Variants in ITGA1 observed in about 807,000 individuals in gnomAD.
ITGA1 encodes the protein integrin alpha-1.
Under a neutral mutation model 145.9 loss-of-function variants are expected in ITGA1, and 85 were observed. That is an observed-to-expected ratio of 0.58 (90% CI 0.49 to 0.70). The LOEUF is 0.70. Ranked by LOEUF, ITGA1 falls within the 30% of genes least tolerant of loss-of-function variation. ITGA1 has a pLI of 0.00. For synonymous variants in ITGA1, 520 were observed against 495.3 expected (o/e 1.05, Z -0.66); for missense variants, 1,351 against 1,418.7 (o/e 0.95, Z 0.77).
chr5:52,941,964 T>A (rs755251909), intron 26 of ITGA1, among the ~76,000 whole-genome samples: 60 of 152,156 alleles, frequency 3.9e-4, no homozygotes, highest in Non-Finnish European at 7.8e-4. Context: ...ATGGGGAAAG[T>A]TAGGGGTCCA....
intron 1 of ITGA1, among the ~76,000 whole-genome samples, chr5:52,820,061 A>G (rs1195590763): frequency 8.6e-5 from 13 of 151,518 alleles, no homozygotes; most frequent in Non-Finnish European, 1.5e-5. Flanking sequence ...TTGTAGTATA[A>G]TTTGAAGTCA....
intron 24 of ITGA1, among the ~76,000 whole-genome samples, chr5:52,938,517 G>GA (rs934450328): frequency 9.9e-5 from 15 of 151,938 alleles, no homozygotes; most frequent in African/African-American, 3.4e-4. Flanking sequence ...TAAGGGCAAG[G>GA]AAAAAATAAG....
intron 1 of ITGA1, among the ~76,000 whole-genome samples, chr5:52,839,712 A>G (rs1040712837): frequency 1.3e-5 from 2 of 152,220 alleles, no homozygotes; most frequent in African/African-American, 4.8e-5. Context: ...TAGTATGCAC[A>G]ATAGGTAGTT....
intron 26 of ITGA1, among the ~76,000 whole-genome samples, chr5:52,944,565 A>G (rs1169383837): frequency 6.6e-6 from 1 of 152,114 alleles, no homozygotes; most frequent in Non-Finnish European, 1.5e-5. Flanking sequence ...GTCCCCCTAG[A>G]TCATCAATTT....
At chr5:52,937,299 T>C (rs1211630003) in intron 23 of ITGA1, 102 bp from the exon 24 acceptor site, 3 of 764,900 alleles carry the variant, frequency 3.9e-6, no homozygotes, top group Non-Finnish European at 6.8e-6. Flanking sequence ...ATTCAAAATA[T>C]TACACAATTT....
chr5:52,801,930 T>G (rs11886), intron 1 of ITGA1: 288,902 of 983,092 alleles, frequency 0.29, 43,256 homozygotes, highest in Non-Finnish European at 0.32. Flanking sequence ...GCTGCAAGAA[T>G]GGCACTTTTT....
chr5:52,881,043 T>A (rs965075292), intron 6 of ITGA1, among the ~76,000 whole-genome samples: 5 of 152,140 alleles, frequency 3.3e-5, no homozygotes, highest in African/African-American at 1.2e-4. Flanking sequence ...GTTAGCTGCC[T>A]GCGTTATCCA....
chr5:52,913,659 A>G (rs897769603), intron 14 of ITGA1, among the ~76,000 whole-genome samples: 5 of 152,218 alleles, frequency 3.3e-5, no homozygotes, highest in Non-Finnish European at 1.5e-5. Context: ...CTACTTACAA[A>G]TAAAACAGAA....
intron 3 of ITGA1, among the ~76,000 whole-genome samples, chr5:52,863,043 T>C (rs1749632314): frequency 1.3e-5 from 2 of 152,226 alleles, no homozygotes; most frequent in Admixed American, 1.3e-4. Context: ...CTGTCTTGTC[T>C]TGTAATTTTG....
At chr5:52,928,567 A>T (rs1750847699) in intron 20 of ITGA1, among the ~76,000 whole-genome samples, 1 of 152,224 alleles carries the variant, frequency 6.6e-6, no homozygotes, top group East Asian at 1.9e-4. Flanking sequence ...GAAGCCACGT[A>T]TGCATTGGCA....
chr5:52,917,163 G>A (rs1392272950), intron 15 of ITGA1, among the ~76,000 whole-genome samples: 1 of 152,192 alleles, frequency 6.6e-6, no homozygotes, highest in African/African-American at 2.4e-5. Context: ...TCCCAAGAAA[G>A]ATCTGGCTGG....
At position 52,849,517 on chromosome 5, in the gene ITGA1, C is replaced by T. The variant is rs775229394; in HGVS notation, c.182+32C>T. On this transcript the variant is annotated intron_variant, in intron 2 of 28. Transcript: ENST00000282588. ...CAGTGGGTTTTGTTGTTGTTATTTA[C>T]TTATTTCACAAGGTAATGAGAAATA... 1.9e-6 allele frequency: 3 copies of T among 1,540,648 alleles called. No homozygotes were observed. In the East Asian group the frequency reaches 6.8e-5, roughly 35 times the overall value.
chr5:52,861,691 C>A, intron 3 of ITGA1, 132 bp downstream of exon 3: 1 of 621,376 alleles, frequency 1.6e-6, no homozygotes, highest in South Asian at 2.0e-5. Context: ...GGCAACCTGA[C>A]GAAACCTCAT....
At chr5:52,804,940 C>A (rs913644986) in intron 1 of ITGA1, among the ~76,000 whole-genome samples, 2 of 152,082 alleles carry the variant, frequency 1.3e-5, no homozygotes, top group Admixed American at 1.3e-4. Context: ...ATTTATATTA[C>A]ACTAATCATT....
chr5:52,892,753 A>C (rs557020255), intron 8 of ITGA1, among the ~76,000 whole-genome samples: 1 of 152,128 alleles, frequency 6.6e-6, no homozygotes, highest in Non-Finnish European at 1.5e-5. Context: ...GCTACATACT[A>C]TATGATTCCT....
chr5:52,919,260 A>C (rs1274549489), intron 16 of ITGA1, among the ~76,000 whole-genome samples: 1 of 152,138 alleles, frequency 6.6e-6, no homozygotes, highest in African/African-American at 2.4e-5. Context: ...GTAGGTTTCT[A>C]CCATGACTCT....
intron 1 of ITGA1, among the ~76,000 whole-genome samples, chr5:52,845,775 A>G (rs575799595): frequency 1.3e-5 from 2 of 152,324 alleles, no homozygotes; most frequent in East Asian, 3.9e-4. Flanking sequence ...CCAAATGTGA[A>G]TAGTTCCAAA....
chr5:52,892,627 GC>G (rs535820074), intron 8 of ITGA1, among the ~76,000 whole-genome samples: 15 of 152,154 alleles, frequency 9.9e-5, no homozygotes, highest in Non-Finnish European at 1.9e-4. Flanking sequence ...AAATTGTGGT[GC>G]ATCCATACAA....
chr5:52,865,137 G>A (rs1460903609), intron 5 of ITGA1, 55 bp downstream of exon 5: 2 of 1,257,214 alleles, frequency 1.6e-6, no homozygotes, highest in Admixed American at 1.9e-5. Flanking sequence ...CAATGAATGA[G>A]ACGTATGTAT....
Sources: gnomAD v4.1 joint callset for allele counts (sites outside exome capture counted in the v4.1 genomes callset) on GRCh38, gnomAD v4.1.1 for gene constraint, MANE v1.5 for transcripts, NCBI Gene and HGNC (gene_info 2026-07-23, HGNC 2026-07-21) for gene names.